Variants in CR1 observed in about 807,000 individuals in gnomAD.
The protein encoded by CR1 is complement C3b/C4b receptor 1 (Knops blood group).
Under a neutral mutation model 187.3 loss-of-function variants are expected in CR1, and 116 were observed. The observed-to-expected ratio is 0.62, with a 90% CI of 0.53 to 0.72. The LOEUF is 0.72. CR1 is among the 30% of genes least tolerant of loss of function. The probability of loss-of-function intolerance (pLI) is 0.00; values close to 1 mark genes in which losing one functional copy is unlikely to be tolerated. For missense variants in CR1, 1,731 were observed against 2,110.7 expected, an observed-to-expected ratio of 0.82 and a Z score of 3.52; for synonymous variants, 576 against 747.1, an observed-to-expected ratio of 0.77 and a Z score of 3.73.
At chr1:207,520,968 G>GTTT (rs141546660) in intron 4 of CR1, among the ~76,000 whole-genome samples, 3,146 of 44,784 alleles carry the variant, frequency 0.07, no homozygotes, top group Non-Finnish European at 0.086. Flanking sequence ...TTTTTTGGTT[G>GTTT]TTTTTTTTTT....
intron 35 of CR1, among the ~76,000 whole-genome samples, chr1:207,606,190 G>A (rs1571586837): frequency 6.6e-6 from 1 of 152,194 alleles, no homozygotes; most frequent in African/African-American, 2.4e-5. Context: ...ACTCCAGCCA[G>A]TATAGAGGAC....
rs1398437815 is a variant in CR1 at position 207,587,453 on chromosome 1, T to G, written c.5598T>G (p.Phe1866Leu). Residue 1866 changes from phenylalanine to leucine, a missense_variant, in exon 34 of 47, where the codon TTT (phenylalanine) becomes TTG (leucine). Phe to Leu is a conservative substitution (Grantham distance 22, BLOSUM62 0). This residue lies in a region of CR1 where 1,312 missense variants were observed against 1,379.6 expected (regional missense o/e 0.95). Coordinates refer to ENST00000367049, the MANE Select transcript of CR1 (RefSeq NM_000651.6). ...SPTIPINDFE[F>L]PVGTSLNYEC... is the part of the protein sequence containing the mutation. ...CGATCCCAATTAATGACTTTGAGTTTCCAGTCGGGACATCTTTGAATTATG... is the reference window on the plus strand; with the variant it reads ...CGATCCCAATTAATGACTTTGAGTTGCCAGTCGGGACATCTTTGAATTATG... The G allele has an allele frequency of 1.2e-6, 2 of 1,613,854 alleles. No homozygotes were observed. The highest frequency in any genetic ancestry group is 1.3e-5 in the African/African-American group (1 of 74,956).
chr1:207,517,259 T>G (rs923563299), intron 4 of CR1, among the ~76,000 whole-genome samples: 4 of 152,136 alleles, frequency 2.6e-5, no homozygotes, highest in African/African-American at 9.7e-5. Context: ...TATAGATGAT[T>G]ATCCTATGTA....
chr1:207,605,859 C>T (rs1385749778), intron 35 of CR1: 1 of 152,100 alleles, frequency 6.6e-6, no homozygotes, highest in African/African-American at 2.4e-5. Flanking sequence ...CAATCAGTAC[C>T]TAAAACGTAA....
chr1:207,583,888 T>C (rs1322223251), intron 32 of CR1, among the ~76,000 whole-genome samples: 1 of 152,186 alleles, frequency 6.6e-6, no homozygotes, highest in Non-Finnish European at 1.5e-5. Flanking sequence ...AGTTTATCTA[T>C]AATTCTTTTA....
intron 36 of CR1, among the ~76,000 whole-genome samples, chr1:207,607,828 C>T (rs984023758): frequency 2.6e-5 from 4 of 152,274 alleles, no homozygotes; most frequent in Admixed American, 2.6e-4. Flanking sequence ...TATTTGTTCT[C>T]GATTAGCTGA....
At chr1:207,575,062 A>C (rs1297394628) in intron 27 of CR1, among the ~76,000 whole-genome samples, 1 of 152,214 alleles carries the variant, frequency 6.6e-6, no homozygotes, top group African/African-American at 2.4e-5. Flanking sequence ...AATGATGATG[A>C]AAGCAAATCA....
At chr1:207,566,949 GCTGT>G (rs1328579595) in intron 24 of CR1, among the ~76,000 whole-genome samples, 1 of 150,288 alleles carries the variant, frequency 6.7e-6, no homozygotes, top group Non-Finnish European at 1.5e-5. Context: ...AGAGATTCTT[GCTGT>G]CTAAGAAATC....
chr1:207,567,388 A>C (rs1660534624), intron 24 of CR1, among the ~76,000 whole-genome samples: 2 of 150,040 alleles, frequency 1.3e-5, no homozygotes, highest in Admixed American at 1.3e-4. Flanking sequence ...CCTATTTAAG[A>C]TGATTAGCAC....
rs186683352 is a variant in CR1 at position 207,593,564 on chromosome 1, C to A, written c.5810+4790C>A. Among the ~76,000 whole-genome samples the A allele has an allele frequency of 1.7e-3, 254 of 152,290 alleles. 4 individuals are homozygous for A. The highest frequency in any genetic ancestry group is 5.9e-3 in the African/African-American group (247 of 41,562). ...ATAGGCATGGGCAAAGACTTCATTACTAAAACACCAAAAGCAATGGTAACA... is the reference window on the plus strand; with the variant it reads ...ATAGGCATGGGCAAAGACTTCATTAATAAAACACCAAAAGCAATGGTAACA... On this transcript the variant is annotated intron_variant, in intron 35 of 46. Transcript: ENST00000367049.
chr1:207,610,913 G>A (rs1392146906), intron 37 of CR1, among the ~76,000 whole-genome samples: 4 of 151,986 alleles, frequency 2.6e-5, no homozygotes, highest in Non-Finnish European at 5.9e-5. Flanking sequence ...ATGCCCTTAA[G>A]CATTTATCCT....
Position 207,572,932 on chromosome 1 carries a change from T to G in CR1, c.4452-2663T>G, listed in dbSNP as rs619136. Among the ~76,000 whole-genome samples, 232 of 150,782 alleles carry G rather than the reference T, an allele frequency of 1.5e-3. 3 individuals are homozygous for G. Among genetic ancestry groups the G allele is most frequent in the African/African-American group, 4.5e-3 (180 of 40,422 alleles). ...TGCTGTTCTCTCTGTGCATGTCTGT[T>G]TCCAAAGTTTTCCCTTTTAATAAGG... On this transcript the variant is annotated intron_variant, in intron 27 of 46. Transcript: ENST00000367049.
At chr1:207,519,787 G>A (rs1369319300) in intron 4 of CR1, among the ~76,000 whole-genome samples, 1 of 151,976 alleles carries the variant, frequency 6.6e-6, no homozygotes, top group Non-Finnish European at 1.5e-5. Flanking sequence ...GGAAACTGAC[G>A]TACAGAAAAC....
intron 3 of CR1, among the ~76,000 whole-genome samples, chr1:207,507,955 G>T (rs996168076): frequency 2.0e-5 from 3 of 152,162 alleles, no homozygotes; most frequent in African/African-American, 7.2e-5. Flanking sequence ...ATACCAAAAA[G>T]AAATGAGCTA....
intron 35 of CR1, among the ~76,000 whole-genome samples, chr1:207,598,355 C>T (rs1239751370): frequency 1.3e-5 from 2 of 151,258 alleles, no homozygotes; most frequent in African/African-American, 4.9e-5. Context: ...TAAAACATAT[C>T]AAATAAGATT....
intron 42 of CR1, among the ~76,000 whole-genome samples, chr1:207,619,618 C>G (rs964117375): frequency 6.6e-6 from 1 of 152,168 alleles, no homozygotes; most frequent in Admixed American, 6.5e-5. Context: ...CCTAATCTTT[C>G]CACAGCTTTC....
At chr1:207,596,244 C>T (rs1423163150) in intron 35 of CR1, among the ~76,000 whole-genome samples, 1 of 151,986 alleles carries the variant, frequency 6.6e-6, no homozygotes, top group African/African-American at 2.4e-5. Context: ...ATTTTAATGC[C>T]TCAGTTTTTC....
chr1:207,601,230 G>A (rs750911500), intron 35 of CR1, among the ~76,000 whole-genome samples: 12 of 151,770 alleles, frequency 7.9e-5, no homozygotes, highest in Non-Finnish European at 1.3e-4. Flanking sequence ...TGAGAAAGAA[G>A]ACATAAGCCT....
Position 207,578,030 on chromosome 1 carries a change from G to A in CR1, c.4763G>A (p.Cys1588Tyr). Reference sequence around the variant, plus strand: ...CCTCAGTGCATTATACCTAACAAATGCACGCCTCCAAATGTGGAAAATGGA... The same window carrying A: ...CCTCAGTGCATTATACCTAACAAATACACGCCTCCAAATGTGGAAAATGGA... ...PAPQCIIPNKCTPPNVENGIL... is the reference protein window; with the variant it reads ...PAPQCIIPNKYTPPNVENGIL... Residue 1588 changes from cysteine (C) to tyrosine (Y), a missense_variant, in exon 29 of 47, where the codon TGC becomes TAC. Around this residue, in one of 5 missense-constraint regions of CR1, gnomAD observed 1,312 missense variants for 1,379.6 expected, o/e 0.95. Coordinates refer to ENST00000367049, the MANE Select transcript of CR1 (RefSeq NM_000651.6). 6.2e-7 allele frequency: 1 copy of A among 1,611,668 alleles called. No individual in the cohort carries two copies. Among genetic ancestry groups the A allele is most frequent in the East Asian group, 2.2e-5 (1 of 44,876 alleles).
Sources: allele counts gnomAD v4.1 joint callset (sites outside exome capture counted in the v4.1 genomes callset), GRCh38; gene constraint gnomAD v4.1.1; regional missense constraint gnomAD v4.1.1; transcripts MANE v1.5; gene names NCBI Gene and HGNC (gene_info 2026-07-23, HGNC 2026-07-21).